The following COL4A2 variants were observed in gnomAD, a reference collection of about 807,000 sequenced individuals.
COL4A2 encodes the protein collagen type IV alpha 2 chain, also known as collagen alpha-2(IV) chain.
COL4A2 carries 99 observed loss-of-function variants against 200.2 expected under a neutral mutation model. The observed-to-expected ratio is 0.49, with a 90% CI of 0.42 to 0.58. The LOEUF is 0.58. Among genes scored for constraint, COL4A2 ranks in the 20% least tolerant of loss-of-function variants. The pLI, the probability that COL4A2 is intolerant of heterozygous loss-of-function variation, is 0.00. For missense variants in COL4A2, 1,950 were observed against 2,314.1 expected, an observed-to-expected ratio of 0.84 and a Z score of 3.23; for synonymous variants, 897 against 900.6, an observed-to-expected ratio of 1.00 and a Z score of 0.07.
intron 47 of COL4A2, among the ~76,000 whole-genome samples, chr13:110,510,884 T>C (rs1262468074): frequency 3.3e-5 from 5 of 152,232 alleles, no homozygotes; most frequent in African/African-American, 1.2e-4. Context: ...TCTCCACTTC[T>C]TATTACCTGC....
intron 21 of COL4A2, chr13:110,458,202 C>A (rs1484123327): frequency 2.2e-6 from 1 of 453,088 alleles, no homozygotes; most frequent in Admixed American, 2.5e-5. Flanking sequence ...GTGGGGCCTC[C>A]CCACTGGGCA....
rs564525832 is a variant in COL4A2, at chr13:110,407,199, C to T, written c.181-17535C>T. On this transcript the variant is annotated intron_variant, in intron 4 of 47. Coordinates refer to ENST00000360467, the MANE Select transcript of COL4A2 (RefSeq NM_001846.4). ...CCCTCTCTGGCCCAGGGCAGCACTG[C>T]GCCCCTCGGGTGGGAAAGCCGGTGT... Among the ~76,000 whole-genome samples, 41 of 152,342 alleles carry T rather than the reference C, an allele frequency of 2.7e-4. No individual in the cohort carries two copies. In the South Asian group the frequency reaches 6.4e-3, roughly 24 times the overall value.
chr13:110,491,246 C>T lies in COL4A2; in HGVS notation c.3360C>T (p.Phe1120=), dbSNP rs776853058. The T allele has an allele frequency of 6.3e-7, 1 of 1,597,470 alleles. No individual in the cohort carries two copies. Among genetic ancestry groups the T allele is most frequent in the East Asian group, 2.3e-5 (1 of 44,236 alleles). Residue 1120 remains phenylalanine, a synonymous_variant, in exon 37 of 48, where the codon TTC becomes TTT. Coordinates refer to ENST00000360467, the MANE Select transcript of COL4A2 (RefSeq NM_001846.4). Reference sequence around the variant, plus strand: ...CTGTGGTTGCAGGTCTGAAGGGATTCTTTGGAGAGAAGGGAACAGAAGGTG... The same window carrying T: ...CTGTGGTTGCAGGTCTGAAGGGATTTTTTGGAGAGAAGGGAACAGAAGGTG... ...GTTGIPGLKG[F]FGEKGTEGDI...
intron 3 of COL4A2, among the ~76,000 whole-genome samples, chr13:110,355,777 G>T (rs9521710): frequency 1.4e-3 from 51 of 36,138 alleles, no homozygotes; most frequent in Admixed American, 2.4e-3. Flanking sequence ...CCTGTGTGTG[G>T]GGGTGGAGGG....
In COL4A2 at chr13:110,454,729, G is replaced by A. The variant is rs138346442; in HGVS notation, c.1340-2614G>A. Among the ~76,000 whole-genome samples, 707 of 151,922 alleles carry A rather than the reference G, an allele frequency of 4.7e-3. 1 individual carries two copies. Among genetic ancestry groups the A allele is most frequent in the African/African-American group, 0.015 (621 of 41,376 alleles). ...CCTGCACTCCCCGCCGGATGAACTC[G>A]TCCTCCACATGAAAGTACATGCAGT... On this transcript the variant is annotated intron_variant, in intron 20 of 47. Transcript: ENST00000360467.
At chr13:110,485,546 A>AAT (rs1491565443) in intron 33 of COL4A2, 109 bp from the exon 34 acceptor site, 13 of 562,572 alleles carry the variant, frequency 2.3e-5, no homozygotes, top group African/African-American at 4.2e-5. Context: ...AAAAAAAAAA[A>AAT]GATTCACAGC....
chr13:110,361,627 A>T (rs1247275361), intron 4 of COL4A2, among the ~76,000 whole-genome samples: 1 of 152,256 alleles, frequency 6.6e-6, no homozygotes, highest in Non-Finnish European at 1.5e-5. Context: ...TTCCAGTTCC[A>T]AATGGATTCT....
intron 24 of COL4A2, among the ~76,000 whole-genome samples, chr13:110,464,247 G>A (rs941023447): frequency 6.6e-6 from 1 of 152,176 alleles, no homozygotes; most frequent in Admixed American, 6.5e-5. Flanking sequence ...CCCAGCTGGG[G>A]GCAGGTGGTC....
intron 45 of COL4A2, 71 bp downstream of exon 45, chr13:110,504,335 A>G: frequency 7.6e-7 from 1 of 1,320,372 alleles, no homozygotes; most frequent in East Asian, 2.3e-5. Flanking sequence ...TGTGGTCTGC[A>G]GGAAGGGGAC....
intron 11 of COL4A2, among the ~76,000 whole-genome samples, chr13:110,433,159 C>T (rs898098286): frequency 2.6e-5 from 4 of 152,372 alleles, no homozygotes; most frequent in South Asian, 2.1e-4. Flanking sequence ...CAGCTGCCAC[C>T]GCCCATGCCC....
chr13:110,504,341 G>A, intron 45 of COL4A2, 77 bp downstream of exon 45: 3 of 1,273,640 alleles, frequency 2.4e-6, no homozygotes, highest in East Asian at 2.3e-5. Context: ...CTGCAGGAAG[G>A]GGACACACGA....
chr13:110,374,894 A>C (rs1341128490), intron 4 of COL4A2, among the ~76,000 whole-genome samples: 1 of 152,194 alleles, frequency 6.6e-6, no homozygotes, highest in African/African-American at 2.4e-5. Flanking sequence ...AAGTTGTTCA[A>C]GTCTTACCCT....
At chr13:110,459,086 A>C in intron 22 of COL4A2, 152 bp downstream of exon 22, 3 of 719,668 alleles carry the variant, frequency 4.2e-6, no homozygotes, top group South Asian at 5.6e-5. Context: ...AAACCCACAT[A>C]CCCCAAGGCG....
At chr13:110,430,281 T>C in intron 8 of COL4A2, 120 bp from the exon 9 acceptor site, 1 of 1,234,638 alleles carries the variant, frequency 8.1e-7, no homozygotes, top group South Asian at 1.9e-5. Flanking sequence ...AAATTAACAT[T>C]ACTAGGTCCT....
At position 110,512,094 on chromosome 13, in the gene COL4A2, A is replaced by G. The variant is rs777905652; in HGVS notation, c.5042A>G (p.Glu1681Gly). 2.0e-5 allele frequency: 32 copies of G among 1,613,570 alleles called. No individual in the cohort carries two copies. The highest frequency in any genetic ancestry group is 2.6e-5 in the Non-Finnish European group (31 of 1,180,034). Residue 1681 changes from glutamate (E) to glycine (G), a missense_variant, in exon 48 of 48, where the codon GAG becomes GGG. By Grantham distance (98) the Glu-to-Gly change is moderately conservative (BLOSUM62 -2). This residue lies in a region of COL4A2 where 1,385 missense variants were observed against 1,720.5 expected (regional missense o/e 0.80). Coordinates refer to ENST00000360467, the MANE Select transcript of COL4A2 (RefSeq NM_001846.4). ...KYSFWLTTIP[E>G]QSFQGSPSAD... ...AGCTTCTGGCTGACCACCATTCCCGAGCAGAGCTTCCAGGGCTCGCCCTCC... is the reference window on the plus strand; with the variant it reads ...AGCTTCTGGCTGACCACCATTCCCGGGCAGAGCTTCCAGGGCTCGCCCTCC...
At chr13:110,507,016 A>C (rs1326220492) in intron 46 of COL4A2, among the ~76,000 whole-genome samples, 1 of 152,230 alleles carries the variant, frequency 6.6e-6, no homozygotes, top group Non-Finnish European at 1.5e-5. Context: ...CCCCCGAGGA[A>C]AATGGACCCA....
rs549919321 is a variant in COL4A2 at position 110,311,915 on chromosome 13, G to A, written c.99+3792G>A. ...TCGGGGCTCCAGCCCCAGGAAATTC[G>A]CCTGACCTTCCTGTTGGCTGCCACC... On this transcript the variant is annotated intron_variant, in intron 3 of 47. Transcript: ENST00000360467. Among the ~76,000 whole-genome samples the A allele has an allele frequency of 1.7e-4, 26 of 152,314 alleles. No individual in the cohort carries two copies. The South Asian group carries it at 4.8e-3, about 28-fold the overall frequency.
chr13:110,512,128 G>C lies in COL4A2; in HGVS notation c.5076G>C (p.Thr1692=). The C allele has an allele frequency of 1.9e-6, 3 of 1,613,412 alleles. No homozygotes were observed. Among genetic ancestry groups the C allele is most frequent in the African/African-American group, 1.3e-5 (1 of 75,044 alleles). Residue 1692 remains threonine (T), a synonymous_variant, in exon 48 of 48, where the codon ACG becomes ACC. Coordinates refer to ENST00000360467, the MANE Select transcript of COL4A2 (RefSeq NM_001846.4). ...QSFQGSPSAD[T]LKAGLIRTHI... ...TCCAGGGCTCGCCCTCCGCCGACACGCTCAAGGCCGGCCTCATCCGCACAC... is the reference window on the plus strand; with the variant it reads ...TCCAGGGCTCGCCCTCCGCCGACACCCTCAAGGCCGGCCTCATCCGCACAC...
chr13:110,312,787 C>T (rs1885020116), intron 3 of COL4A2, among the ~76,000 whole-genome samples: 1 of 152,184 alleles, frequency 6.6e-6, no homozygotes, highest in African/African-American at 2.4e-5. Context: ...ACACAATAGT[C>T]TTGAGAGGCC....
Sources: gnomAD v4.1 joint callset for allele counts (sites outside exome capture counted in the v4.1 genomes callset) on GRCh38, gnomAD v4.1.1 for gene constraint, gnomAD v4.1.1 regional missense constraint, MANE v1.5 for transcripts, NCBI Gene and HGNC (gene_info 2026-07-23, HGNC 2026-07-21) for gene names.